ESRRG: variants seen among roughly 807,000 people sequenced by gnomAD.
ESRRG encodes the protein estrogen related receptor gamma.
A neutral mutation model predicts 44.0 loss-of-function variants in ESRRG; 13 were observed. The observed-to-expected ratio is 0.30, with a 90% CI of 0.19 to 0.47. ESRRG has a LOEUF of 0.47. Among genes scored for constraint, ESRRG ranks in the 20% least tolerant of loss-of-function variants. The pLI is 1.00. For missense variants in ESRRG, 395 were observed against 580.6 expected (o/e 0.68, Z 3.29); for synonymous variants, 215 against 214.6 (o/e 1.00, Z -0.02).
At chr1:216,593,365 T>C (rs1237816801) in intron 3 of ESRRG, among the ~76,000 whole-genome samples, 2 of 152,226 alleles carry the variant, frequency 1.3e-5, no homozygotes, top group African/African-American at 4.8e-5. Flanking sequence ...CTTTACTGTT[T>C]TAATTAAATG....
At chr1:216,765,357 C>CT (rs1231858789) in intron 2 of ESRRG, among the ~76,000 whole-genome samples, 1 of 152,096 alleles carries the variant, frequency 6.6e-6, no homozygotes, top group African/African-American at 2.4e-5. Context: ...GCTATAAGGA[C>CT]TTTCTATGCA....
At chr1:216,634,469 G>C (rs1013545803) in intron 3 of ESRRG, among the ~76,000 whole-genome samples, 2 of 151,932 alleles carry the variant, frequency 1.3e-5, no homozygotes, top group Non-Finnish European at 2.9e-5. Context: ...GGAATACATT[G>C]TAAGTAATTC....
At chr1:216,761,644 T>A (rs1189017694) in intron 2 of ESRRG, among the ~76,000 whole-genome samples, 1 of 152,262 alleles carries the variant, frequency 6.6e-6, no homozygotes, top group East Asian at 1.9e-4. Context: ...AGGCAATACT[T>A]TGAAAAGAAG....
At chr1:216,779,306 A>ATATTTATAAATATAAATATATAT (rs540316388) in intron 2 of ESRRG, among the ~76,000 whole-genome samples, 1 of 26,604 alleles carries the variant, frequency 3.8e-5, no homozygotes, top group Non-Finnish European at 6.3e-5. Context: ...ATTTATAAAC[A>ATATTTATAAATATAAATATATAT]TTATATTTAT....
intron 5 of ESRRG, among the ~76,000 whole-genome samples, chr1:216,540,036 T>C (rs1170163218): frequency 4.6e-5 from 7 of 152,066 alleles, no homozygotes; most frequent in Non-Finnish European, 8.8e-5. Flanking sequence ...GCCCTATTTC[T>C]GCTAACCTAA....
intron 1 of ESRRG, among the ~76,000 whole-genome samples, chr1:216,954,289 C>A (rs940089866): frequency 1.3e-5 from 2 of 151,952 alleles, no homozygotes; most frequent in African/African-American, 4.8e-5. Context: ...TCAACACAGC[C>A]CCTCTCCACT....
At chr1:216,745,482 T>C (rs901506106) in intron 2 of ESRRG, among the ~76,000 whole-genome samples, 1 of 152,182 alleles carries the variant, frequency 6.6e-6, no homozygotes, top group Non-Finnish European at 1.5e-5. Context: ...TGAGCCACCA[T>C]GCCCAATATG....
At chr1:216,914,319 G>A (rs2060861050) in intron 2 of ESRRG, among the ~76,000 whole-genome samples, 1 of 152,132 alleles carries the variant, frequency 6.6e-6, no homozygotes, top group African/African-American at 2.4e-5. Flanking sequence ...ATGTGTACTT[G>A]ACTCTAGTGT....
intron 2 of ESRRG, among the ~76,000 whole-genome samples, chr1:216,742,966 G>T (rs2090942845): frequency 6.6e-6 from 1 of 152,104 alleles, no homozygotes; most frequent in African/African-American, 2.4e-5. Context: ...GAGAGGTGCA[G>T]CATCTTTCAA....
chr1:216,660,315 G>A (rs1056148065), intron 2 of ESRRG, among the ~76,000 whole-genome samples: 1 of 152,140 alleles, frequency 6.6e-6, no homozygotes, highest in Non-Finnish European at 1.5e-5. Flanking sequence ...CAAATACTTA[G>A]ATATCAATAC....
chr1:216,990,442 C>A (rs1374720759), intron 1 of ESRRG, among the ~76,000 whole-genome samples: 1 of 151,820 alleles, frequency 6.6e-6, no homozygotes, highest in Non-Finnish European at 1.5e-5. Flanking sequence ...TTTTTGTATC[C>A]TAAAGTTTAG....
intron 2 of ESRRG, among the ~76,000 whole-genome samples, chr1:216,855,561 T>C (rs968399730): frequency 6.6e-6 from 1 of 152,102 alleles, no homozygotes; most frequent in African/African-American, 2.4e-5. Flanking sequence ...CTTTTTGAAT[T>C]TAATGTAAAG....
chr1:216,672,046 GAA>G (rs2075290987), intron 2 of ESRRG, among the ~76,000 whole-genome samples: 1 of 151,314 alleles, frequency 6.6e-6, no homozygotes, highest in Non-Finnish European at 1.5e-5. Flanking sequence ...AGGAAAGAAA[GAA>G]GGAAGGAAGG....
rs139207817 is a variant in ESRRG at position 216,679,998 on chromosome 1, G to C, written c.57-2507C>G. On this transcript the variant is annotated intron_variant, in intron 1 of 6. Coordinates refer to ENST00000408911, the MANE Select transcript of ESRRG (RefSeq NM_001438.4). Reference sequence around the variant, plus strand: ...TGGATAAAACAAGGAAATTCGGGACGTACAAGCTGCCAGAAAGGTCCTTAA... The same window carrying C: ...TGGATAAAACAAGGAAATTCGGGACCTACAAGCTGCCAGAAAGGTCCTTAA... Among the ~76,000 whole-genome samples, 272 of 152,274 alleles carry C rather than the reference G, an allele frequency of 1.8e-3. 2 individuals are homozygous for C. The highest frequency in any genetic ancestry group is 6.4e-3 in the African/African-American group (265 of 41,562).
Position 216,530,207 on chromosome 1 carries a change from AT to A in ESRRG, c.863-10787del, listed in dbSNP as rs990750464. On this transcript the variant is annotated intron_variant, in intron 5 of 6. Transcript: ENST00000408911. The stretch of plus-strand genomic sequence containing the variant: ...ATTTGTAATCCAACATTAGAGTCTA[AT>A]ATTGTAAGAACCTTTTAAAAAGCAC... 1.6e-4 allele frequency among the ~76,000 whole-genome samples: 25 copies of A among 151,952 alleles called. 1 individual carries two copies. The highest frequency in any genetic ancestry group is 4.6e-4 in the Admixed American group (7 of 15,228).
intron 1 of ESRRG, among the ~76,000 whole-genome samples, chr1:216,688,268 C>T (rs2078396859): frequency 6.6e-6 from 1 of 152,160 alleles, no homozygotes; most frequent in Non-Finnish European, 1.5e-5. Context: ...ATGTCTTTAA[C>T]CAGATCAAAT....
At chr1:216,721,326 C>G (rs543711941) in intron 1 of ESRRG, among the ~76,000 whole-genome samples, 1 of 152,102 alleles carries the variant, frequency 6.6e-6, no homozygotes, top group East Asian at 1.9e-4. Context: ...GGGGTTTAAC[C>G]CGGTACAATT....
intron 3 of ESRRG, among the ~76,000 whole-genome samples, chr1:216,615,938 G>A (rs986660188): frequency 2.6e-5 from 4 of 152,050 alleles, no homozygotes; most frequent in Admixed American, 1.3e-4. Flanking sequence ...TGCCCGCCTC[G>A]GCCTCCCAAA....
At chr1:216,702,445 T>C (rs973429748) in intron 1 of ESRRG, among the ~76,000 whole-genome samples, 1 of 151,974 alleles carries the variant, frequency 6.6e-6, no homozygotes, top group African/African-American at 2.4e-5. Flanking sequence ...TTTTATGTGA[T>C]CTTAGGATAA....
Sources: allele counts gnomAD v4.1 joint callset (sites outside exome capture counted in the v4.1 genomes callset), GRCh38; gene constraint gnomAD v4.1.1; transcripts MANE v1.5; gene names NCBI Gene and HGNC (gene_info 2026-07-23, HGNC 2026-07-21).